Variants in CACUL1 observed in about 807,000 individuals in gnomAD.
CACUL1 encodes CDK2-associated and cullin domain-containing protein 1.
In CACUL1, 13 loss-of-function variants were observed where a neutral mutation model predicts 45.2. The observed-to-expected ratio is 0.29, with a 90% CI of 0.19 to 0.46. CACUL1 has a LOEUF of 0.46. CACUL1 is among the 20% of genes least tolerant of loss of function. The pLI is 1.00. For missense variants in CACUL1, 421 were observed against 471.4 expected, an observed-to-expected ratio of 0.89 and a Z score of 0.99; for synonymous variants, 197 against 174.2, an observed-to-expected ratio of 1.13 and a Z score of -1.03.
At chr10:118,713,930 G>A (rs1033145701) in intron 3 of CACUL1, among the ~76,000 whole-genome samples, 1 of 152,144 alleles carries the variant, frequency 6.6e-6, no homozygotes, top group African/African-American at 2.4e-5. Context: ...TATGCAGGTT[G>A]TATCTGTAAG....
At chr10:118,747,773 C>T in intron 1 of CACUL1, among the ~76,000 whole-genome samples, 1 of 152,032 alleles carries the variant, frequency 6.6e-6, no homozygotes, top group Admixed American at 6.6e-5. Context: ...AAGCAGGCAG[C>T]GTTAACTGAC....
At chr10:118,726,223 T>C in intron 3 of CACUL1, 2 of 908,800 alleles carry the variant, frequency 2.2e-6, no homozygotes, top group Non-Finnish European at 3.1e-6. Flanking sequence ...CTCTATAAAA[T>C]AAAGATTACA....
chr10:118,753,932 C>T (rs542646126), intron 1 of CACUL1, among the ~76,000 whole-genome samples: 3 of 152,312 alleles, frequency 2.0e-5, no homozygotes, highest in Non-Finnish European at 2.9e-5. Context: ...TTTAACACAG[C>T]CTGGCCAAAA....
intron 1 of CACUL1, among the ~76,000 whole-genome samples, chr10:118,747,121 C>T (rs1845850322): frequency 6.6e-6 from 1 of 152,204 alleles, no homozygotes; most frequent in South Asian, 2.1e-4. Context: ...CGAGGTGGAA[C>T]AATTTCATCC....
chr10:118,752,822 G>C (rs1044257521), intron 1 of CACUL1, among the ~76,000 whole-genome samples: 1 of 152,088 alleles, frequency 6.6e-6, no homozygotes, highest in African/African-American at 2.4e-5. Context: ...ACATTTACTA[G>C]TTTTCTAAGA....
chr10:118,733,407 A>C (rs527564012), intron 1 of CACUL1, among the ~76,000 whole-genome samples: 1 of 152,340 alleles, frequency 6.6e-6, no homozygotes, highest in African/African-American at 2.4e-5. Flanking sequence ...TGAATAGTAA[A>C]TAGAAAGCCA....
chr10:118,738,384 C>T (rs992930969), intron 1 of CACUL1, among the ~76,000 whole-genome samples: 4 of 152,158 alleles, frequency 2.6e-5, no homozygotes, highest in Non-Finnish European at 5.9e-5. Flanking sequence ...AAGCAGAAGT[C>T]AGCGTAAGAA....
intron 3 of CACUL1, among the ~76,000 whole-genome samples, chr10:118,715,098 C>A (rs910881708): frequency 1.3e-5 from 2 of 152,092 alleles, no homozygotes; most frequent in Admixed American, 6.6e-5. Context: ...TCAAAACAAC[C>A]TTTAAATTAA....
chr10:118,737,134 GAAA>G (rs200119188), intron 1 of CACUL1, among the ~76,000 whole-genome samples: 3 of 129,922 alleles, frequency 2.3e-5, no homozygotes, highest in Non-Finnish European at 5.0e-5. Context: ...TATTAGGAGG[GAAA>G]AAAAAAAAAA....
chr10:118,696,738 T>C (rs765833064), intron 5 of CACUL1, among the ~76,000 whole-genome samples: 3 of 152,398 alleles, frequency 2.0e-5, no homozygotes, highest in Admixed American at 1.3e-4. Context: ...AAGCTTGGCA[T>C]AGACAAATGC....
chr10:118,741,393 A>G (rs957181721), intron 1 of CACUL1, among the ~76,000 whole-genome samples: 1 of 152,098 alleles, frequency 6.6e-6, no homozygotes, highest in Non-Finnish European at 1.5e-5. Context: ...AAATGAGAAA[A>G]TGCAGAATTT....
At chr10:118,740,812 G>C (rs1269824692) in intron 1 of CACUL1, among the ~76,000 whole-genome samples, 3 of 151,494 alleles carry the variant, frequency 2.0e-5, no homozygotes, top group Non-Finnish European at 4.4e-5. Context: ...TGTAGTCCTA[G>C]CTACTCAGGA....
chr10:118,751,271 T>C (rs1845895968), intron 1 of CACUL1, among the ~76,000 whole-genome samples: 1 of 152,196 alleles, frequency 6.6e-6, no homozygotes, highest in Admixed American at 6.5e-5. Context: ...ATAATTAATT[T>C]TTCACCTTTA....
At position 118,677,691 on chromosome 10, in the gene CACUL1, GTATGATGC is replaced by G. The variant is rs1433724283; in HGVS notation, c.*8429_*8436del. 1 of 152,172 alleles carries G rather than the reference GTATGATGC, an allele frequency of 6.6e-6. No homozygotes were observed. Among genetic ancestry groups the G allele is most frequent in the African/African-American group, 2.4e-5 (1 of 41,428 alleles). 9.4% of individuals were successfully genotyped at this position (152,172 alleles called of 1,614,324 possible). On this transcript the variant is annotated 3_prime_UTR_variant, in exon 9 of 9. Transcript: ENST00000369151. ...TGCATCCATGTTGAAGCCCGCAGTGGTATGATGCCTTGACCACTCTAGAGAATTCCACA... is the reference window on the plus strand; with the variant it reads ...TGCATCCATGTTGAAGCCCGCAGTGGCTTGACCACTCTAGAGAATTCCACA...
At chr10:118,740,998 G>T (rs535131448) in intron 1 of CACUL1, among the ~76,000 whole-genome samples, 1 of 151,356 alleles carries the variant, frequency 6.6e-6, no homozygotes, top group South Asian at 2.1e-4. Flanking sequence ...AGGTATAAGA[G>T]AATTAAATCC....
intron 1 of CACUL1, among the ~76,000 whole-genome samples, chr10:118,748,033 C>T (rs1448452069): frequency 5.3e-5 from 8 of 151,914 alleles, no homozygotes; most frequent in Non-Finnish European, 8.8e-5. Flanking sequence ...TGCAGTGAGC[C>T]GAAATCGTGC....
intron 1 of CACUL1, among the ~76,000 whole-genome samples, chr10:118,739,039 C>CA (rs1014593416): frequency 2.0e-5 from 3 of 149,922 alleles, no homozygotes; most frequent in South Asian, 2.1e-4. Flanking sequence ...ACTAAAAATA[C>CA]AAAAAAAATA....
intron 5 of CACUL1, among the ~76,000 whole-genome samples, chr10:118,700,013 A>T (rs2119571681): frequency 6.6e-6 from 1 of 152,190 alleles, no homozygotes; most frequent in African/African-American, 2.4e-5. Flanking sequence ...GAACATAATA[A>T]TGAAATGTAT....
chr10:118,691,826 C>T (rs1466870924), intron 6 of CACUL1, among the ~76,000 whole-genome samples: 1 of 136,848 alleles, frequency 7.3e-6, no homozygotes, highest in East Asian at 2.3e-4. Context: ...GAGATCGCAC[C>T]ACTGCACTCC....
Sources: allele counts gnomAD v4.1 joint callset (sites outside exome capture counted in the v4.1 genomes callset), GRCh38; gene constraint gnomAD v4.1.1; transcripts MANE v1.5; gene names NCBI Gene and HGNC (gene_info 2026-07-23, HGNC 2026-07-21).